The following ADAMTS17 variants were observed in gnomAD, a reference collection of about 807,000 sequenced individuals.
ADAMTS17 encodes the protein A disintegrin and metalloproteinase with thrombospondin motifs 17.
Under a neutral mutation model 141.5 loss-of-function variants are expected in ADAMTS17, and 113 were observed. The ratio of observed to expected loss-of-function variants is 0.80; its 90% confidence interval spans 0.69 to 0.93. The LOEUF (loss-of-function observed/expected upper bound fraction) is 0.93, where lower values mean the gene tolerates loss of function less well. ADAMTS17 is among the 40% of genes least tolerant of loss of function. The probability of loss-of-function intolerance (pLI) is 0.00; values close to 1 mark genes in which losing one functional copy is unlikely to be tolerated. For synonymous variants in ADAMTS17, 768 were observed against 630.6 expected, an observed-to-expected ratio of 1.22 and a Z score of -3.27; for missense variants, 1,659 against 1,517.9, an observed-to-expected ratio of 1.09 and a Z score of -1.54.
At chr15:100,113,083 A>G (rs1336741322) in intron 13 of ADAMTS17, among the ~76,000 whole-genome samples, 1 of 152,092 alleles carries the variant, frequency 6.6e-6, no homozygotes. Context: ...CTGTTCCCAA[A>G]GCTGCCCAAC....
chr15:99,984,236 G>A (rs998944852), intron 20 of ADAMTS17, among the ~76,000 whole-genome samples: 1 of 152,196 alleles, frequency 6.6e-6, no homozygotes, highest in Admixed American at 6.5e-5. Context: ...GTCGCCTCCA[G>A]AGCTCTTGGG....
chr15:100,264,897 C>T (rs138204251), intron 4 of ADAMTS17, among the ~76,000 whole-genome samples: 65 of 152,246 alleles, frequency 4.3e-4, no homozygotes, highest in African/African-American at 1.5e-3. Flanking sequence ...GATTGCACAG[C>T]AATGCGAACC....
At chr15:100,010,490 A>G (rs2061141696) in intron 18 of ADAMTS17, among the ~76,000 whole-genome samples, 1 of 152,102 alleles carries the variant, frequency 6.6e-6, no homozygotes, top group Non-Finnish European at 1.5e-5. Context: ...CACCTGCAAC[A>G]CTGTTCTCCA....
At chr15:100,098,962 A>C (rs1235811885) in intron 14 of ADAMTS17, among the ~76,000 whole-genome samples, 1 of 152,124 alleles carries the variant, frequency 6.6e-6, no homozygotes, top group Non-Finnish European at 1.5e-5. Context: ...GGCTTCCTAT[A>C]ATTTTCAAAC....
chr15:100,322,256 A>G (rs1248877367), intron 3 of ADAMTS17, among the ~76,000 whole-genome samples: 1 of 152,188 alleles, frequency 6.6e-6, no homozygotes, highest in African/African-American at 2.4e-5. Flanking sequence ...GTGCAGGGCA[A>G]CAAGGTGACT....
Position 100,300,170 on chromosome 15 carries a change from G to A in ADAMTS17, c.617-18769C>T, listed in dbSNP as rs77985401. ...ACATGCCCAGGGCTGTTTACAGTCAGGTGTCCTTCACTCCTCCAGAGGCCT... is the reference window on the plus strand; with the variant it reads ...ACATGCCCAGGGCTGTTTACAGTCAAGTGTCCTTCACTCCTCCAGAGGCCT... On this transcript the variant is annotated intron_variant, in intron 3 of 21. Coordinates refer to ENST00000268070, the MANE Select transcript of ADAMTS17 (RefSeq NM_139057.4). Among the ~76,000 whole-genome samples, 821 of 152,216 alleles carry A rather than the reference G, an allele frequency of 5.4e-3. 15 individuals are homozygous for A. In the East Asian group the frequency reaches 0.067, roughly 12 times the overall value.
intron 4 of ADAMTS17, among the ~76,000 whole-genome samples, chr15:100,264,711 T>C (rs2043647835): frequency 6.6e-6 from 1 of 151,988 alleles, no homozygotes; most frequent in Non-Finnish European, 1.5e-5. Flanking sequence ...ATGCACCCCA[T>C]ACACCATTAG....
At chr15:100,340,175 G>A (rs1200238471) in intron 2 of ADAMTS17, among the ~76,000 whole-genome samples, 3 of 152,240 alleles carry the variant, frequency 2.0e-5, no homozygotes, top group Non-Finnish European at 2.9e-5. Context: ...GGCTTTCGGG[G>A]CACGATGGAG....
intron 15 of ADAMTS17, among the ~76,000 whole-genome samples, chr15:100,084,187 G>T (rs1251359248): frequency 6.6e-6 from 1 of 152,220 alleles, no homozygotes; most frequent in Admixed American, 6.5e-5. Flanking sequence ...GGCACACTGG[G>T]AGATTATATC....
chr15:100,091,443 A>G (rs1396444439), intron 15 of ADAMTS17, among the ~76,000 whole-genome samples: 1 of 152,220 alleles, frequency 6.6e-6, no homozygotes, highest in East Asian at 1.9e-4. Context: ...GCCATGGATA[A>G]AATCCAATGC....
intron 2 of ADAMTS17, among the ~76,000 whole-genome samples, chr15:100,333,669 T>TGGCCCCAAAAGCTGAGCAG (rs1843701133): frequency 6.6e-6 from 1 of 152,212 alleles, no homozygotes; most frequent in Admixed American, 6.5e-5. Context: ...CGACTGCGCG[T>TGGCCCCAAAAGCTGAGCAG]GGCCCCAAAA....
Position 100,001,086 on chromosome 15 carries a change from A to G in ADAMTS17, c.2592-3497T>C, listed in dbSNP as rs563355250. Among the ~76,000 whole-genome samples, 9 of 152,270 alleles carry G rather than the reference A, an allele frequency of 5.9e-5. No individual in the cohort carries two copies. The East Asian group carries it at 1.2e-3, about 20-fold the overall frequency. On this transcript the variant is annotated intron_variant, in intron 18 of 21. Transcript: ENST00000268070. Reference sequence around the variant, plus strand: ...AAGGTGCTCTTGGATGGAGATATGGAAAATATTCAGCGGGGCAGACATTTA... The same window carrying G: ...AAGGTGCTCTTGGATGGAGATATGGGAAATATTCAGCGGGGCAGACATTTA...
intron 3 of ADAMTS17, among the ~76,000 whole-genome samples, chr15:100,310,719 T>C (rs1486689881): frequency 6.6e-6 from 1 of 152,228 alleles, no homozygotes; most frequent in East Asian, 1.9e-4. Context: ...GTGGGAACAC[T>C]CCCGGCTTTA....
chr15:100,054,961 C>A (rs986598845), intron 15 of ADAMTS17, among the ~76,000 whole-genome samples: 3 of 152,150 alleles, frequency 2.0e-5, no homozygotes, highest in African/African-American at 7.2e-5. Context: ...ATGAGGACAG[C>A]ACTCTGCAGT....
intron 13 of ADAMTS17, among the ~76,000 whole-genome samples, chr15:100,115,309 C>T (rs926927892): frequency 6.6e-5 from 10 of 152,174 alleles, no homozygotes; most frequent in African/African-American, 1.7e-4. Flanking sequence ...CAGCCGCACA[C>T]GTTCCTTCTA....
intron 8 of ADAMTS17, among the ~76,000 whole-genome samples, chr15:100,165,989 A>G (rs74037528): frequency 0.021 from 3,187 of 152,188 alleles, 133 homozygotes; most frequent in East Asian, 0.18. Flanking sequence ...TTCTAATTTG[A>G]GATTGCACTG....
chr15:100,327,996 G>T (rs1357511331), intron 3 of ADAMTS17, among the ~76,000 whole-genome samples: 1 of 152,160 alleles, frequency 6.6e-6, no homozygotes, highest in Non-Finnish European at 1.5e-5. Flanking sequence ...TACACTGAGT[G>T]CTTCATGGAG....
chr15:100,172,317 T>C (rs908462841), intron 8 of ADAMTS17, among the ~76,000 whole-genome samples: 1 of 152,220 alleles, frequency 6.6e-6, no homozygotes, highest in African/African-American at 2.4e-5. Flanking sequence ...TTCTCATGTC[T>C]ATTGTTGGAT....
chr15:100,322,883 C>G (rs527966647), intron 3 of ADAMTS17, among the ~76,000 whole-genome samples: 1 of 151,828 alleles, frequency 6.6e-6, no homozygotes, highest in African/African-American at 2.4e-5. Flanking sequence ...GTCAGGAGAT[C>G]AAGACCATCC....
Sources: gnomAD v4.1 joint callset for allele counts (sites outside exome capture counted in the v4.1 genomes callset) on GRCh38, gnomAD v4.1.1 for gene constraint, MANE v1.5 for transcripts, NCBI Gene and HGNC (gene_info 2026-07-23, HGNC 2026-07-21) for gene names.